The following SNX24 variants were observed in gnomAD, a reference collection of about 807,000 sequenced individuals.
SNX24 encodes the protein sorting nexin-24.
In SNX24, 22 loss-of-function variants were observed where a neutral mutation model predicts 28.7. That is an observed-to-expected ratio of 0.77 (90% CI 0.55 to 1.10). The LOEUF (loss-of-function observed/expected upper bound fraction) is 1.10, where lower values mean the gene tolerates loss of function less well. Among genes scored for constraint, SNX24 ranks in the 50% least tolerant of loss-of-function variants. The pLI is 0.00. For missense variants in SNX24, 221 were observed against 201.1 expected (o/e 1.10, Z -0.60); for synonymous variants, 69 against 71.5 (o/e 0.96, Z 0.18).
intron 3 of SNX24, among the ~76,000 whole-genome samples, chr5:122,993,766 C>T (rs1368382618): frequency 6.6e-6 from 1 of 152,196 alleles, no homozygotes; most frequent in Non-Finnish European, 1.5e-5. Context: ...AGCCCATTTA[C>T]TGCAGTGAGG....
intron 5 of SNX24, among the ~76,000 whole-genome samples, chr5:123,025,164 A>G (rs897534773): frequency 7.9e-5 from 12 of 152,200 alleles, no homozygotes; most frequent in African/African-American, 2.9e-4. Context: ...TAAGAAATAC[A>G]TAACATAAAA....
At chr5:123,013,786 C>G (rs1290803416), downstream of SNX24, among the ~76,000 whole-genome samples, 2 of 152,062 alleles carry the variant, frequency 1.3e-5, no homozygotes, top group East Asian at 3.8e-4. Context: ...TTAGATACTC[C>G]TATGAACTCC....
chr5:122,898,433 C>G (rs1201915838), intron 1 of SNX24, among the ~76,000 whole-genome samples: 1 of 152,194 alleles, frequency 6.6e-6, no homozygotes, highest in Non-Finnish European at 1.5e-5. Context: ...AAAACCCTTT[C>G]CCAGATCTGA....
At chr5:123,017,875 T>C (rs1163295684) in intron 5 of SNX24, among the ~76,000 whole-genome samples, 1 of 152,168 alleles carries the variant, frequency 6.6e-6, no homozygotes, top group Non-Finnish European at 1.5e-5. Context: ...CTTTCTTTTG[T>C]AAATTGCCCA....
intron 1 of SNX24, among the ~76,000 whole-genome samples, chr5:122,936,413 A>G (rs1759179289): frequency 6.6e-6 from 1 of 152,154 alleles, no homozygotes. Context: ...TATTGTTTCA[A>G]TGCTATCATA....
intron 1 of SNX24, among the ~76,000 whole-genome samples, chr5:122,886,612 A>C (rs1016276102): frequency 6.6e-6 from 1 of 151,858 alleles, no homozygotes; most frequent in Non-Finnish European, 1.5e-5. Context: ...CAGGAGTTCG[A>C]GACCAGCCTG....
intron 3 of SNX24, among the ~76,000 whole-genome samples, chr5:122,993,522 G>C (rs146534623): frequency 6.6e-6 from 1 of 152,010 alleles, no homozygotes; most frequent in Non-Finnish European, 1.5e-5. Flanking sequence ...GTATGGTCTC[G>C]ATCTCTTGAC....
intron 1 of SNX24, among the ~76,000 whole-genome samples, chr5:122,851,200 C>T (rs1015139424): frequency 3.3e-5 from 5 of 152,136 alleles, no homozygotes; most frequent in African/African-American, 7.2e-5. Flanking sequence ...AATCTCCCTG[C>T]GTCACCCAGG....
chr5:122,996,026 A>T (rs1170230574), intron 3 of SNX24, among the ~76,000 whole-genome samples: 8 of 152,220 alleles, frequency 5.3e-5, no homozygotes, highest in Non-Finnish European at 1.0e-4. Context: ...GCTGCATTTT[A>T]GAATAATATA....
chr5:122,917,437 A>T (rs142139191), intron 1 of SNX24, among the ~76,000 whole-genome samples: 1 of 152,270 alleles, frequency 6.6e-6, no homozygotes, highest in East Asian at 1.9e-4. Flanking sequence ...GACCTAGTAT[A>T]CAGGTTTTTC....
At chr5:122,918,796 C>G (rs1373215936) in intron 1 of SNX24, among the ~76,000 whole-genome samples, 3 of 152,096 alleles carry the variant, frequency 2.0e-5, no homozygotes, top group Non-Finnish European at 4.4e-5. Context: ...AGAATGTGGC[C>G]TTTATGAAAT....
chr5:122,977,425 AAAT>A, intron 3 of SNX24, among the ~76,000 whole-genome samples: 1 of 151,884 alleles, frequency 6.6e-6, no homozygotes. Flanking sequence ...GGGATAGAGA[AAAT>A]GCTGCTCACT....
chr5:123,009,423 T>G (rs1295057165), downstream of SNX24, among the ~76,000 whole-genome samples: 4 of 152,178 alleles, frequency 2.6e-5, no homozygotes, highest in African/African-American at 4.8e-5. Context: ...ATAATAAGAA[T>G]TTTTTTGAAA....
chr5:123,016,453 G>A (rs1033973409), intron 5 of SNX24, among the ~76,000 whole-genome samples: 3 of 152,158 alleles, frequency 2.0e-5, no homozygotes, highest in African/African-American at 7.2e-5. Context: ...GAGGGGCTAC[G>A]GCTAGTGAGG....
chr5:122,857,670 C>A (rs1755263808), intron 1 of SNX24, among the ~76,000 whole-genome samples: 1 of 152,156 alleles, frequency 6.6e-6, no homozygotes, highest in African/African-American at 2.4e-5. Context: ...ATTTGGTTTT[C>A]TTTTCCTGCG....
intron 5 of SNX24, among the ~76,000 whole-genome samples, chr5:123,024,536 C>G (rs1234391175): frequency 6.6e-6 from 1 of 152,182 alleles, no homozygotes; most frequent in Non-Finnish European, 1.5e-5. Context: ...CCCCAGCCCC[C>G]CACAGTGCTG....
In SNX24 at chr5:122,959,447, C is replaced by G. The variant is rs555133314; in HGVS notation, c.249+13288C>G. ...ACAAGGTCTTGCTATGTTGCCAGTG[C>G]TGGTCTAGAACTCCTGGGCTCAAGC... On this transcript the variant is annotated intron_variant, in intron 3 of 6. Transcript: ENST00000261369. Among the ~76,000 whole-genome samples, 15 of 151,530 alleles carry G rather than the reference C, an allele frequency of 9.9e-5. 1 individual carries two copies. The East Asian group carries it at 2.7e-3, about 27-fold the overall frequency.
rs148040114 is a variant in SNX24 at position 122,953,328 on chromosome 5, C to T, written c.249+7169C>T. 4.9e-3 allele frequency among the ~76,000 whole-genome samples: 746 copies of T among 152,248 alleles called. 3 individuals are homozygous for T. Among genetic ancestry groups the T allele is most frequent in the Non-Finnish European group, 6.2e-3 (421 of 68,004 alleles). ...CCATGTTGGCCAGGCTGGTCTCAAA[C>T]TCCTGACCTCAAATGATCCTCCCGT... is the stretch of plus-strand genomic sequence containing the variant. On this transcript the variant is annotated intron_variant, in intron 3 of 6. Transcript: ENST00000261369.
intron 1 of SNX24, among the ~76,000 whole-genome samples, chr5:122,881,189 TG>T (rs1756465023): frequency 6.7e-6 from 1 of 150,208 alleles, no homozygotes; most frequent in Non-Finnish European, 1.5e-5. Context: ...ATTAAAAATT[TG>T]TTATAGGATA....
Sources: allele counts gnomAD v4.1 joint callset (sites outside exome capture counted in the v4.1 genomes callset), GRCh38; gene constraint gnomAD v4.1.1; transcripts MANE v1.5; gene names NCBI Gene and HGNC (gene_info 2026-07-23, HGNC 2026-07-21).